RUNX1: variants seen among roughly 807,000 people sequenced by gnomAD.
RUNX1 encodes the protein runt-related transcription factor 1.
RUNX1 carries 19 observed loss-of-function variants against 42.8 expected under a neutral mutation model. That is an observed-to-expected ratio of 0.44 (90% CI 0.31 to 0.65). The LOEUF is 0.65. RUNX1 is among the 30% of genes least tolerant of loss of function. RUNX1 has a pLI of 0.07. For missense variants in RUNX1, 528 were observed against 672.0 expected (o/e 0.79, Z 2.37); for synonymous variants, 271 against 289.4 (o/e 0.94, Z 0.64).
At chr21:34,824,573 A>G (rs2056961251) in intron 7 of RUNX1, among the ~76,000 whole-genome samples, 1 of 152,186 alleles carries the variant, frequency 6.6e-6, no homozygotes, top group Admixed American at 6.5e-5. Context: ...TACTGCTTTG[A>G]AGGCAATTGT....
At chr21:34,860,840 CT>C (rs1434071657) in intron 5 of RUNX1, among the ~76,000 whole-genome samples, 1 of 152,162 alleles carries the variant, frequency 6.6e-6, no homozygotes, top group Non-Finnish European at 1.5e-5. Context: ...AAAATATAAT[CT>C]TTGGCCACAG....
intron 2 of RUNX1, among the ~76,000 whole-genome samples, chr21:34,921,071 C>G (rs2058350268): frequency 6.6e-6 from 1 of 152,160 alleles, no homozygotes; most frequent in South Asian, 2.1e-4. Flanking sequence ...GTTGGCCAGG[C>G]TGGTCTTAAA....
chr21:34,792,077 G>A lies in RUNX1; in HGVS notation c.*58C>T, dbSNP rs1197193685. 1.8e-6 allele frequency: 2 copies of A among 1,115,246 alleles called. No individual in the cohort carries two copies. Among genetic ancestry groups the A allele is most frequent in the Non-Finnish European group, 2.3e-6 (2 of 860,008 alleles). The allele number at this position is 1,115,246 out of a possible 1,614,324, so 69.1% of individuals were successfully genotyped here. On this transcript the variant is annotated 3_prime_UTR_variant, in exon 9 of 9. Coordinates refer to ENST00000675419, the MANE Select transcript of RUNX1 (RefSeq NM_001754.5). The surrounding 1 kb of genome is among the most constrained non-coding windows in gnomAD (Gnocchi z 6.9). ...CGGGCTTGTCGCGAACAGGAGGCCCGCGCGCCCGGAGGCGAAGGCGGCGGC... is the reference window on the plus strand; with the variant it reads ...CGGGCTTGTCGCGAACAGGAGGCCCACGCGCCCGGAGGCGAAGGCGGCGGC...
chr21:34,852,234 T>C (rs1482660392), intron 6 of RUNX1, among the ~76,000 whole-genome samples: 2 of 152,116 alleles, frequency 1.3e-5, no homozygotes, highest in African/African-American at 4.8e-5. Flanking sequence ...GTGGTTTCTG[T>C]ATAAGACAGG....
intron 7 of RUNX1, among the ~76,000 whole-genome samples, chr21:34,806,988 A>T (rs1321350623): frequency 6.6e-6 from 1 of 152,096 alleles, no homozygotes; most frequent in East Asian, 1.9e-4. Flanking sequence ...AATTTATAGC[A>T]TTGAATACAT....
At chr21:34,863,819 T>C (rs2057615562) in intron 5 of RUNX1, among the ~76,000 whole-genome samples, 1 of 152,092 alleles carries the variant, frequency 6.6e-6, no homozygotes, top group East Asian at 1.9e-4. Context: ...CTCCCAATCA[T>C]GCCCTTCATT....
At chr21:34,992,841 A>G (rs2058955820) in intron 2 of RUNX1, among the ~76,000 whole-genome samples, 1 of 152,188 alleles carries the variant, frequency 6.6e-6, no homozygotes, top group Non-Finnish European at 1.5e-5. Context: ...GGGCTTTGCA[A>G]TGCAGCTACC....
chr21:34,847,199 C>T (rs2057329724), intron 6 of RUNX1, among the ~76,000 whole-genome samples: 1 of 152,126 alleles, frequency 6.6e-6, no homozygotes, highest in African/African-American at 2.4e-5. Context: ...ATATAAAACT[C>T]AGTTCTCAAC....
intron 2 of RUNX1, among the ~76,000 whole-genome samples, chr21:35,001,776 TATA>T (rs1343732529): frequency 9.2e-5 from 14 of 152,186 alleles, no homozygotes; most frequent in African/African-American, 1.7e-4. Flanking sequence ...ATCTGTTCGA[TATA>T]ATAAGTGAAT....
At chr21:34,998,529 C>CTTTTTTCT (rs1569144353) in intron 2 of RUNX1, among the ~76,000 whole-genome samples, 1 of 151,930 alleles carries the variant, frequency 6.6e-6, no homozygotes, top group African/African-American at 2.4e-5. Context: ...TGGTCAGCTT[C>CTTTTTTCT]TTTTTTCTTT....
At chr21:35,045,862 G>A (rs1349777633) in intron 2 of RUNX1, among the ~76,000 whole-genome samples, 1 of 152,154 alleles carries the variant, frequency 6.6e-6, no homozygotes, top group Non-Finnish European at 1.5e-5. Flanking sequence ...TTGAACCGCT[G>A]AGAAGACAAG....
chr21:34,852,994 A>G (rs184293597), intron 6 of RUNX1, among the ~76,000 whole-genome samples: 95 of 152,350 alleles, frequency 6.2e-4, no homozygotes, highest in African/African-American at 2.1e-3. Flanking sequence ...CCCGGCGGCT[A>G]CGTGCTGTGC....
At chr21:34,991,557 GA>G (rs2058939842) in intron 2 of RUNX1, among the ~76,000 whole-genome samples, 1 of 152,078 alleles carries the variant, frequency 6.6e-6, no homozygotes, top group African/African-American at 2.4e-5. Flanking sequence ...TGATGATGAT[GA>G]TGATGATGAT....
At chr21:34,888,761 G>A in intron 3 of RUNX1, 1 of 894,106 alleles carries the variant, frequency 1.1e-6, no homozygotes, top group Non-Finnish European at 1.4e-6. Context: ...CCCTCAGCTC[G>A]TTTGCATAGG....
rs140090663 is a variant in RUNX1, at chr21:35,041,964, G to T, written c.58+6878C>A. On this transcript the variant is annotated intron_variant, in intron 2 of 8. Coordinates refer to ENST00000675419, the MANE Select transcript of RUNX1 (RefSeq NM_001754.5). ...ATTAAAACAAATTTGGGAGGCTGGGGGATTTTTGAGAGTTTAAAAGAGTGA... is the reference window on the plus strand; with the variant it reads ...ATTAAAACAAATTTGGGAGGCTGGGTGATTTTTGAGAGTTTAAAAGAGTGA... Among the ~76,000 whole-genome samples, 403 of 152,120 alleles carry T rather than the reference G, an allele frequency of 2.6e-3. 4 individuals are homozygous for T. Among genetic ancestry groups the T allele is most frequent in the African/African-American group, 9.0e-3 (374 of 41,484 alleles).
At position 34,799,369 on chromosome 21, in the gene RUNX1, G is replaced by A. The variant is rs758682659; in HGVS notation, c.899C>T (p.Thr300Met). 20 of 1,614,116 alleles carry A rather than the reference G, an allele frequency of 1.2e-5. No individual in the cohort carries two copies. Among genetic ancestry groups the A allele is most frequent in the Admixed American group, 1.7e-5 (1 of 60,010 alleles). Reference sequence around the variant, plus strand: ...GCTGGCACGTCCAGGTGAAATGGGCGTTGCTGGGTGCACAGAAGGAGAGGC... The same window carrying A: ...GCTGGCACGTCCAGGTGAAATGGGCATTGCTGGGTGCACAGAAGGAGAGGC... ...SIASPSVHPA[T>M]PISPGRASGM... The change falls in exon 8 of 9, where the codon ACG becomes ATG. Residue 300 changes from threonine to methionine, a missense_variant. By Grantham distance (81) the Thr-to-Met change is moderately conservative. Coordinates refer to ENST00000675419, the MANE Select transcript of RUNX1 (RefSeq NM_001754.5).
intron 2 of RUNX1, among the ~76,000 whole-genome samples, chr21:35,033,155 C>T (rs1290279201): frequency 1.3e-5 from 2 of 152,186 alleles, no homozygotes; most frequent in Admixed American, 6.5e-5. Context: ...ATCTGTCCAT[C>T]CATGCATTTG....
At chr21:35,020,651 C>G (rs1257380700) in intron 2 of RUNX1, among the ~76,000 whole-genome samples, 1 of 152,102 alleles carries the variant, frequency 6.6e-6, no homozygotes, top group Non-Finnish European at 1.5e-5. Flanking sequence ...CACCTGGCTG[C>G]TGCATCGACT....
At chr21:35,034,259 C>T (rs867568954) in intron 2 of RUNX1, among the ~76,000 whole-genome samples, 4 of 151,886 alleles carry the variant, frequency 2.6e-5, no homozygotes, top group African/African-American at 4.8e-5. Flanking sequence ...GCCTTTGTTG[C>T]GCCAGCAGGC....
Sources: allele counts gnomAD v4.1 joint callset (sites outside exome capture counted in the v4.1 genomes callset), GRCh38; gene constraint gnomAD v4.1.1; non-coding constraint Gnocchi (gnomAD v3.1); transcripts MANE v1.5; gene names NCBI Gene and HGNC (gene_info 2026-07-23, HGNC 2026-07-21).